The following RNF216 variants were observed in gnomAD, a reference collection of about 807,000 sequenced individuals.
The protein encoded by RNF216 is ring finger protein 216, also known as E3 ubiquitin-protein ligase RNF216.
A neutral mutation model predicts 110.8 loss-of-function variants in RNF216; 72 were observed. That is an observed-to-expected ratio of 0.65 (90% CI 0.54 to 0.79). RNF216 has a LOEUF of 0.79. Ranked by LOEUF, RNF216 falls within the 30% of genes least tolerant of loss-of-function variation. The probability of loss-of-function intolerance (pLI) is 0.00; values close to 1 mark genes in which losing one functional copy is unlikely to be tolerated. For synonymous variants in RNF216, 495 were observed against 407.5 expected (o/e 1.21, Z -2.59); for missense variants, 1,342 against 1,141.2 (o/e 1.18, Z -2.54).
intron 3 of RNF216, among the ~76,000 whole-genome samples, chr7:5,744,023 G>T (rs1162081751): frequency 6.6e-6 from 1 of 152,142 alleles, no homozygotes; most frequent in African/African-American, 2.4e-5. Flanking sequence ...AGAACTTAAT[G>T]CAGCAACAGA....
intron 13 of RNF216, among the ~76,000 whole-genome samples, chr7:5,674,960 G>A (rs1322784370): frequency 1.3e-5 from 2 of 152,062 alleles, no homozygotes; most frequent in Non-Finnish European, 2.9e-5. Context: ...TCGCGCCACT[G>A]CACTCCAGCC....
At chr7:5,711,423 T>C (rs781440174) in intron 13 of RNF216, among the ~76,000 whole-genome samples, 2 of 152,198 alleles carry the variant, frequency 1.3e-5, no homozygotes, top group African/African-American at 2.4e-5. Flanking sequence ...CAGGGGCTAT[T>C]TGAGCACAGG....
At chr7:5,773,878 C>A (rs944772724) in intron 1 of RNF216, among the ~76,000 whole-genome samples, 3 of 152,140 alleles carry the variant, frequency 2.0e-5, no homozygotes, top group African/African-American at 4.8e-5. Flanking sequence ...AGCCAAATTT[C>A]TTATTTTTTC....
chr7:5,714,686 T>C (rs565214835), intron 11 of RNF216, among the ~76,000 whole-genome samples: 35 of 152,356 alleles, frequency 2.3e-4, no homozygotes, highest in African/African-American at 7.9e-4. Flanking sequence ...AAACTCACTT[T>C]GGAGAGAGAA....
chr7:5,712,667 C>T (rs1348991672), intron 12 of RNF216, 48 bp downstream of exon 12: 29 of 1,600,506 alleles, frequency 1.8e-5, no homozygotes, highest in Non-Finnish European at 2.3e-5. Flanking sequence ...AGGTAGTTTT[C>T]ACAATGGGGA....
At chr7:5,697,607 T>G (rs557640569) in intron 13 of RNF216, among the ~76,000 whole-genome samples, 1 of 152,170 alleles carries the variant, frequency 6.6e-6, no homozygotes, top group African/African-American at 2.4e-5. Flanking sequence ...CTCAGCCTCC[T>G]GTGCAGCTGG....
At chr7:5,736,728 C>T (rs1345302078) in intron 5 of RNF216, among the ~76,000 whole-genome samples, 1 of 151,408 alleles carries the variant, frequency 6.6e-6, no homozygotes, top group Non-Finnish European at 1.5e-5. Flanking sequence ...GCCTCTGCCC[C>T]GCCGCCCCAT....
chr7:5,622,851 T>A lies in RNF216; in HGVS notation c.*9A>T. On this transcript the variant is annotated 3_prime_UTR_variant, in exon 17 of 17. Transcript: ENST00000389902. ...GGGCTTTGTGCTGCTCAATGGGGATTCGGGGCCATCAGAAGCGATGCCGCG... is the reference window on the plus strand; with the variant it reads ...GGGCTTTGTGCTGCTCAATGGGGATACGGGGCCATCAGAAGCGATGCCGCG... The A allele has an allele frequency of 1.9e-6, 3 of 1,589,036 alleles. No homozygotes were observed. Among genetic ancestry groups the A allele is most frequent in the Non-Finnish European group, 2.6e-6 (3 of 1,165,364 alleles).
intron 9 of RNF216, among the ~76,000 whole-genome samples, chr7:5,718,083 T>C (rs1584504963): frequency 1.3e-5 from 2 of 152,244 alleles, no homozygotes; most frequent in East Asian, 1.9e-4. Context: ...AATGGTTATA[T>C]ATAAACAAAG....
intron 13 of RNF216, among the ~76,000 whole-genome samples, chr7:5,653,754 G>C (rs1422070363): frequency 6.6e-6 from 1 of 152,160 alleles, no homozygotes; most frequent in Non-Finnish European, 1.5e-5. Flanking sequence ...TGGGGAGACA[G>C]TGAAGGCTTG....
intron 13 of RNF216, among the ~76,000 whole-genome samples, chr7:5,657,610 C>A (rs1465052128): frequency 6.6e-6 from 1 of 151,982 alleles, no homozygotes; most frequent in Non-Finnish European, 1.5e-5. Context: ...CTATAAATCT[C>A]CAGCACTCTT....
At chr7:5,752,747 A>T in intron 3 of RNF216, 99 bp downstream of exon 3, 2 of 1,205,516 alleles carry the variant, frequency 1.7e-6, no homozygotes, top group Non-Finnish European at 1.2e-6. Flanking sequence ...CAGAACGAGT[A>T]CAAGAGGTGC....
chr7:5,693,133 C>T (rs1791434289), intron 13 of RNF216, among the ~76,000 whole-genome samples: 1 of 152,230 alleles, frequency 6.6e-6, no homozygotes, highest in Non-Finnish European at 1.5e-5. Flanking sequence ...TGGCAAACTA[C>T]AGCTCACTGG....
At position 5,752,972 on chromosome 7, in the gene RNF216, G is replaced by T; in HGVS notation, c.75C>A (p.Ile25=). The change falls in exon 3 of 17, where the codon ATC becomes ATA. Residue 25 remains isoleucine, a synonymous_variant. Coordinates refer to ENST00000389902, the MANE Select transcript of RNF216 (RefSeq NM_207111.4). Reference sequence around the variant, plus strand: ...TGGTGATGGGCCCATCTCGGAGATTGATCCACTCTACAGGAAAGCAGAGAA... The same window carrying T: ...TGGTGATGGGCCCATCTCGGAGATTTATCCACTCTACAGGAAAGCAGAGAA... ...NFHCHRGQEW[I]NLRDGPITIS... is the part of the protein sequence containing the mutation. 1.2e-6 allele frequency: 2 copies of T among 1,610,762 alleles called. No individual in the cohort carries two copies. The highest frequency in any genetic ancestry group is 2.2e-5 in the South Asian group (2 of 89,968).
intron 13 of RNF216, among the ~76,000 whole-genome samples, chr7:5,691,577 T>C (rs1791343381): frequency 6.6e-6 from 1 of 152,056 alleles, no homozygotes; most frequent in Non-Finnish European, 1.5e-5. Flanking sequence ...TGTGTGTTAG[T>C]TTTAAGTCTA....
chr7:5,688,103 C>G (rs1791100908), intron 13 of RNF216, among the ~76,000 whole-genome samples: 1 of 152,208 alleles, frequency 6.6e-6, no homozygotes, highest in African/African-American at 2.4e-5. Flanking sequence ...GCAGCTATTC[C>G]TGCTCTATGT....
intron 13 of RNF216, among the ~76,000 whole-genome samples, chr7:5,690,975 A>G (rs1484316566): frequency 1.3e-5 from 2 of 152,222 alleles, no homozygotes; most frequent in African/African-American, 4.8e-5. Context: ...TCCAGCACAC[A>G]GCCAGGAGAG....
intron 13 of RNF216, among the ~76,000 whole-genome samples, chr7:5,676,569 G>A (rs985427097): frequency 1.3e-5 from 2 of 152,066 alleles, no homozygotes; most frequent in African/African-American, 2.4e-5. Flanking sequence ...CTGGCTGTGT[G>A]ACCAACACAG....
At chr7:5,780,718 A>G (rs1392095063) in intron 1 of RNF216, among the ~76,000 whole-genome samples, 2 of 150,710 alleles carry the variant, frequency 1.3e-5, no homozygotes, top group East Asian at 3.9e-4. Flanking sequence ...GAAAAGGAGA[A>G]AAAAAAAAAA....
Sources: gnomAD v4.1 joint callset for allele counts (sites outside exome capture counted in the v4.1 genomes callset) on GRCh38, gnomAD v4.1.1 for gene constraint, MANE v1.5 for transcripts, NCBI Gene and HGNC (gene_info 2026-07-23, HGNC 2026-07-21) for gene names.